Variants in TMTC2 observed in about 807,000 individuals in gnomAD.
TMTC2 encodes transmembrane O-mannosyltransferase targeting cadherins 2, also known as protein O-mannosyl-transferase TMTC2.
In TMTC2, 43 loss-of-function variants were observed where a neutral mutation model predicts 82.4. That is an observed-to-expected ratio of 0.52 (90% confidence interval 0.41 to 0.67). The LOEUF (loss-of-function observed/expected upper bound fraction) is 0.67, where lower values mean the gene tolerates loss of function less well. Among genes scored for constraint, TMTC2 ranks in the 30% least tolerant of loss-of-function variants. The pLI is 0.00. For missense variants in TMTC2, 919 were observed against 1,012.4 expected (o/e 0.91, Z 1.25); for synonymous variants, 408 against 381.9 (o/e 1.07, Z -0.80).
At position 82,947,373 on chromosome 12, in the gene TMTC2, G is replaced by A. The variant is rs7308824; in HGVS notation, c.1598+16828G>A. On this transcript the variant is annotated intron_variant, in intron 4 of 11. Coordinates refer to ENST00000321196, the MANE Select transcript of TMTC2 (RefSeq NM_152588.3). ...TTTTTTTTTTTTGAGACGGAGTCTC[G>A]CTCTTGTCGCCCAGGCTGGAGTGCA... Among the ~76,000 whole-genome samples, 497 of 140,962 alleles carry A rather than the reference G, an allele frequency of 3.5e-3. 3 individuals carry two copies. Among genetic ancestry groups the A allele is most frequent in the African/African-American group, 0.013 (472 of 37,510 alleles). 92.5% of individuals were successfully genotyped at this position (140,962 alleles called of 152,430 possible).
At chr12:82,692,292 G>T (rs1443493184) in intron 1 of TMTC2, among the ~76,000 whole-genome samples, 3 of 152,100 alleles carry the variant, frequency 2.0e-5, no homozygotes, top group Admixed American at 1.3e-4. Context: ...TCTGCACTTA[G>T]TTCTTCAGTG....
At chr12:83,132,095 A>G in intron 11 of TMTC2, 115 bp from the exon 12 acceptor site, 1 of 1,284,054 alleles carries the variant, frequency 7.8e-7, no homozygotes, top group South Asian at 1.7e-5. Context: ...TTGCTTTCAC[A>G]AAATGCCTCT....
chr12:82,858,627 A>G (rs1871375915), intron 2 of TMTC2, among the ~76,000 whole-genome samples: 1 of 151,146 alleles, frequency 6.6e-6, no homozygotes, highest in Non-Finnish European at 1.5e-5. Context: ...TGTTCGAAAC[A>G]TCAATTTTTT....
At chr12:83,000,371 T>C (rs1879864459) in intron 8 of TMTC2, among the ~76,000 whole-genome samples, 2 of 152,174 alleles carry the variant, frequency 1.3e-5, no homozygotes, top group African/African-American at 2.4e-5. Context: ...CCTGAGCCCA[T>C]GATCCGCCCT....
At chr12:82,870,556 C>G (rs1004178531) in intron 2 of TMTC2, among the ~76,000 whole-genome samples, 1 of 152,170 alleles carries the variant, frequency 6.6e-6, no homozygotes, top group Non-Finnish European at 1.5e-5. Flanking sequence ...TTCTACACAG[C>G]ACCACTGCAC....
intron 1 of TMTC2, among the ~76,000 whole-genome samples, chr12:82,702,464 G>A (rs1873132420): frequency 6.6e-6 from 1 of 152,070 alleles, no homozygotes; most frequent in African/African-American, 2.4e-5. Flanking sequence ...AACAAATTCT[G>A]TTACTGATGG....
Position 82,793,654 on chromosome 12 carries a change from C to T in TMTC2, c.84-63356C>T, listed in dbSNP as rs145726932. Among the ~76,000 whole-genome samples the T allele has an allele frequency of 6.7e-4, 102 of 152,156 alleles. 1 individual carries two copies. The highest frequency in any genetic ancestry group is 1.0e-3 in the Non-Finnish European group (71 of 68,000). ...TGAGGAGTTGAAGAATTTTTAAAAA[C>T]GCCTTCTTCCCGTGCTGTTAGAAAT... On this transcript the variant is annotated intron_variant, in intron 1 of 11. Transcript: ENST00000321196.
intron 11 of TMTC2, among the ~76,000 whole-genome samples, chr12:83,067,181 G>GA (rs1388372302): frequency 2.6e-5 from 4 of 151,992 alleles, no homozygotes; most frequent in East Asian, 1.9e-4. Flanking sequence ...AACAAGGACA[G>GA]AAAAAATCCA....
intron 10 of TMTC2, among the ~76,000 whole-genome samples, chr12:83,060,484 C>T (rs1435186847): frequency 6.6e-6 from 1 of 151,668 alleles, no homozygotes; most frequent in East Asian, 1.9e-4. Flanking sequence ...CTTTTCCTGT[C>T]ATCTTCTTGT....
At chr12:82,748,748 A>G (rs976870876) in intron 1 of TMTC2, among the ~76,000 whole-genome samples, 5 of 152,116 alleles carry the variant, frequency 3.3e-5, no homozygotes, top group African/African-American at 9.7e-5. Context: ...GTGGTGGTGC[A>G]TGCCTGTAAT....
chr12:83,056,732 A>G (rs1363528786), intron 10 of TMTC2, among the ~76,000 whole-genome samples: 1 of 151,858 alleles, frequency 6.6e-6, no homozygotes, highest in Non-Finnish European at 1.5e-5. Context: ...TTTCAATTAT[A>G]AGTTATATTT....
At chr12:83,131,511 T>C (rs1885255175) in intron 11 of TMTC2, among the ~76,000 whole-genome samples, 1 of 152,184 alleles carries the variant, frequency 6.6e-6, no homozygotes, top group Non-Finnish European at 1.5e-5. Flanking sequence ...TAATATAAAA[T>C]TTTTCTTAGA....
intron 7 of TMTC2, among the ~76,000 whole-genome samples, chr12:82,977,929 C>T (rs1002785734): frequency 2.0e-5 from 3 of 151,530 alleles, no homozygotes; most frequent in African/African-American, 2.4e-5. Context: ...AATAACAAAA[C>T]ACTGGAAGGA....
intron 8 of TMTC2, among the ~76,000 whole-genome samples, chr12:83,023,714 G>T (rs533599941): frequency 2.1e-4 from 32 of 152,326 alleles, no homozygotes; most frequent in South Asian, 6.2e-4. Flanking sequence ...CCCTTGTGAG[G>T]TCTCTTCGCC....
At chr12:82,937,730 ATGTG>A (rs1479455766) in intron 4 of TMTC2, among the ~76,000 whole-genome samples, 22 of 26,458 alleles carry the variant, frequency 8.3e-4, no homozygotes, top group African/African-American at 1.6e-3. Flanking sequence ...GTGTGTGTGG[ATGTG>A]TGTGTGTGTG....
At chr12:83,044,938 G>A (rs530769843) in intron 9 of TMTC2, among the ~76,000 whole-genome samples, 1 of 152,276 alleles carries the variant, frequency 6.6e-6, no homozygotes, top group Non-Finnish European at 1.5e-5. Context: ...TATGGCTTAA[G>A]GCCAGCTTAC....
chr12:83,059,114 C>T (rs189608262), intron 10 of TMTC2, among the ~76,000 whole-genome samples: 39 of 151,910 alleles, frequency 2.6e-4, no homozygotes, highest in Admixed American at 7.2e-4. Flanking sequence ...TTAATAGTCT[C>T]GGGAACCTGA....
intron 11 of TMTC2, among the ~76,000 whole-genome samples, chr12:83,075,831 A>G (rs1883268154): frequency 1.3e-5 from 2 of 152,344 alleles, no homozygotes; most frequent in South Asian, 4.1e-4. Context: ...ATGCTGCAGT[A>G]TGCTGCAGTT....
intron 1 of TMTC2, among the ~76,000 whole-genome samples, chr12:82,776,615 GAA>G (rs750550745): frequency 0.11 from 9,671 of 87,184 alleles, 396 homozygotes; most frequent in Middle Eastern, 0.21. Context: ...TGTCTCTAAT[GAA>G]AAAAAAAAAA....
Sources: allele counts gnomAD v4.1 joint callset (sites outside exome capture counted in the v4.1 genomes callset), GRCh38; gene constraint gnomAD v4.1.1; transcripts MANE v1.5; gene names NCBI Gene and HGNC (gene_info 2026-07-23, HGNC 2026-07-21).